GLT1D1: variants seen among roughly 807,000 people sequenced by gnomAD.
GLT1D1 encodes glycosyltransferase 1 domain-containing protein 1.
Under a neutral mutation model 28.7 loss-of-function variants are expected in GLT1D1, and 21 were observed. The observed-to-expected ratio is 0.73, with a 90% CI of 0.52 to 1.05. GLT1D1 has a LOEUF of 1.05. Among genes scored for constraint, GLT1D1 ranks in the 50% least tolerant of loss-of-function variants. The pLI is 0.00. For synonymous variants in GLT1D1, 147 were observed against 124.8 expected (o/e 1.18, Z -1.19); for missense variants, 343 against 330.6 (o/e 1.04, Z -0.29).
chr12:128,902,091 G>C (rs1870340072), intron 4 of GLT1D1, among the ~76,000 whole-genome samples: 1 of 151,678 alleles, frequency 6.6e-6, no homozygotes. Context: ...CAGTGAACCA[G>C]TAGGTTTTCA....
chr12:128,886,097 C>T (rs985705476), intron 2 of GLT1D1, among the ~76,000 whole-genome samples: 1 of 152,166 alleles, frequency 6.6e-6, no homozygotes, highest in Non-Finnish European at 1.5e-5. Flanking sequence ...ACGCTGTCTT[C>T]TCTTGTCTGC....
intron 1 of GLT1D1, among the ~76,000 whole-genome samples, chr12:128,868,394 G>A (rs1454588239): frequency 1.3e-5 from 2 of 151,792 alleles, no homozygotes; most frequent in East Asian, 3.9e-4. Context: ...TCAAGTAAGT[G>A]CCAGGGAGGG....
rs1323762788 is a variant in GLT1D1, at chr12:128,928,016, A to AAAC, written c.376-17308_376-17307insCAA. On this transcript the variant is annotated intron_variant, in intron 4 of 7. Coordinates refer to ENST00000281703, the MANE Select transcript of GLT1D1 (RefSeq NM_144669.3). The stretch of plus-strand genomic sequence containing the variant: ...CTCTGTCTCAAAAAAAAAAAAAAAA[A>AAAC]AAAAAAAAACAAAAAAGAATAGAAA... Among the ~76,000 whole-genome samples, 210 of 149,860 alleles carry AAAC rather than the reference A, an allele frequency of 1.4e-3. 3 individuals are homozygous for AAAC. Among genetic ancestry groups the AAAC allele is most frequent in the South Asian group, 4.7e-3 (22 of 4,718 alleles).
intron 4 of GLT1D1, among the ~76,000 whole-genome samples, chr12:128,925,527 A>G (rs1376900686): frequency 6.6e-5 from 10 of 152,142 alleles, no homozygotes; most frequent in Non-Finnish European, 1.0e-4. Flanking sequence ...GTTCCTTTTT[A>G]TGGCTGCATA....
At chr12:128,941,850 A>G (rs1422507232) in intron 4 of GLT1D1, among the ~76,000 whole-genome samples, 1 of 140,140 alleles carries the variant, frequency 7.1e-6, no homozygotes, top group African/African-American at 2.6e-5. Flanking sequence ...AAATGCTGGG[A>G]TTCCAGGCAT....
At chr12:128,958,148 C>T (rs1877487937) in intron 7 of GLT1D1, among the ~76,000 whole-genome samples, 1 of 152,182 alleles carries the variant, frequency 6.6e-6, no homozygotes, top group South Asian at 2.1e-4. Context: ...CTGGGGCACA[C>T]ATGTGTGCCA....
chr12:128,980,856 A>G (rs1366524703), intron 7 of GLT1D1, among the ~76,000 whole-genome samples: 2 of 152,236 alleles, frequency 1.3e-5, no homozygotes, highest in Non-Finnish European at 2.9e-5. Context: ...CACCCACTCA[A>G]CGGGGACAGT....
At chr12:128,945,188 G>T in intron 4 of GLT1D1, 138 bp from the exon 9 acceptor site, 1 of 855,002 alleles carries the variant, frequency 1.2e-6, no homozygotes, top group East Asian at 2.5e-5. Flanking sequence ...ACACGCAGCA[G>T]CCGCGAGGAC....
At chr12:128,937,859 C>T (rs1483335832) in intron 4 of GLT1D1, among the ~76,000 whole-genome samples, 1 of 152,128 alleles carries the variant, frequency 6.6e-6, no homozygotes, top group African/African-American at 2.4e-5. Flanking sequence ...CAGAGGCCTC[C>T]CCAGCCCTTT....
At chr12:128,934,251 T>C (rs918007191) in intron 4 of GLT1D1, among the ~76,000 whole-genome samples, 15 of 144,972 alleles carry the variant, frequency 1.0e-4, no homozygotes, top group African/African-American at 3.6e-4. Context: ...TTGCCCAGGC[T>C]GGATTGAAGT....
chr12:128,911,022 C>T (rs139290247), intron 4 of GLT1D1, among the ~76,000 whole-genome samples: 5 of 152,274 alleles, frequency 3.3e-5, no homozygotes, highest in African/African-American at 9.6e-5. Flanking sequence ...CTCCGCCTCC[C>T]GGGTTCAAGC....
rs1042057860 is a variant in GLT1D1 at position 128,947,264 on chromosome 12, C to G, written c.420-74C>G. 5 of 1,579,396 alleles carry G rather than the reference C, an allele frequency of 3.2e-6. No individual in the cohort carries two copies. The African/African-American group carries it at 6.7e-5, about 21-fold the overall frequency. ...ATCTAGAGTATTACACCCAAATTGTCATCTCTCCTCCTCCCAGCTGCCTAC... is the reference window on the plus strand; with the variant it reads ...ATCTAGAGTATTACACCCAAATTGTGATCTCTCCTCCTCCCAGCTGCCTAC... On this transcript the variant is annotated intron_variant, in intron 5 of 7. Coordinates refer to ENST00000281703, the MANE Select transcript of GLT1D1 (RefSeq NM_144669.3).
At position 128,888,894 on chromosome 12, in the gene GLT1D1, A is replaced by G. The variant is rs1593087117; in HGVS notation, c.323+150A>G. ...CATGTAACCTTTTCTTTCATTTGGT[A>G]CATTTTTATTTGGCCACAAATAGTC... On this transcript the variant is annotated intron_variant, in intron 3 of 7. Transcript: ENST00000281703. 6 of 598,612 alleles carry G rather than the reference A, an allele frequency of 1.0e-5. No homozygotes were observed. In the East Asian group the frequency reaches 1.7e-4, roughly 17 times the overall value. The allele number at this position is 598,612 out of a possible 1,614,324, so 37.1% of individuals were successfully genotyped here.
At chr12:128,930,985 C>A (rs942553960) in intron 4 of GLT1D1, among the ~76,000 whole-genome samples, 5 of 151,260 alleles carry the variant, frequency 3.3e-5, no homozygotes, top group Non-Finnish European at 7.4e-5. Context: ...GGAAATACGT[C>A]TCTTCTACCA....
At chr12:128,879,763 T>A (rs1956993300) in intron 2 of GLT1D1, among the ~76,000 whole-genome samples, 1 of 152,160 alleles carries the variant, frequency 6.6e-6, no homozygotes, top group Non-Finnish European at 1.5e-5. Flanking sequence ...AGCCGGCCCC[T>A]GTTATTTCTT....
At chr12:128,869,053 G>A (rs1038178940) in intron 1 of GLT1D1, among the ~76,000 whole-genome samples, 3 of 152,106 alleles carry the variant, frequency 2.0e-5, no homozygotes, top group African/African-American at 7.2e-5. Flanking sequence ...ATTTTTAGTA[G>A]AGACGGGGTT....
intron 7 of GLT1D1, among the ~76,000 whole-genome samples, chr12:128,977,309 T>C (rs927836079): frequency 6.6e-6 from 1 of 152,158 alleles, no homozygotes; most frequent in African/African-American, 2.4e-5. Flanking sequence ...CATCAACTAA[T>C]TGAGTAATTA....
intron 7 of GLT1D1, among the ~76,000 whole-genome samples, chr12:128,959,923 G>A (rs1345444541): frequency 1.3e-5 from 2 of 152,104 alleles, no homozygotes; most frequent in Non-Finnish European, 2.9e-5. Context: ...ATCAGTGAAC[G>A]TCTGAATAGC....
At chr12:128,908,266 C>A (rs73440347) in intron 4 of GLT1D1, among the ~76,000 whole-genome samples, 7,274 of 152,046 alleles carry the variant, frequency 0.048, 606 homozygotes, top group African/African-American at 0.17. Context: ...AGAATCCTAC[C>A]CCAGTCTAGT....
Sources: allele counts gnomAD v4.1 joint callset (sites outside exome capture counted in the v4.1 genomes callset), GRCh38; gene constraint gnomAD v4.1.1; transcripts MANE v1.5; gene names NCBI Gene and HGNC (gene_info 2026-07-23, HGNC 2026-07-21).